Variants in THRB observed in about 807,000 individuals in gnomAD.
The protein encoded by THRB is nuclear receptor subfamily 1 group A member 2.
In THRB, 12 loss-of-function variants were observed where a neutral mutation model predicts 47.8. That is an observed-to-expected ratio of 0.25 (90% CI 0.16 to 0.41). The LOEUF is 0.41. THRB is among the 10% of genes least tolerant of loss of function. THRB has a pLI of 1.00. For missense variants in THRB, 348 were observed against 589.2 expected (o/e 0.59, Z 4.24); for synonymous variants, 218 against 212.2 (o/e 1.03, Z -0.24).
rs200825838 is a variant in THRB, at chr3:24,344,637, T to TA, written c.-260-7267dup. ...GTAATTATTTGACCATGATCCACAA[T>TA]AAAAAATAATGTTTTAACCTGTAAC... On this transcript the variant is annotated intron_variant, in intron 1 of 10. Coordinates refer to ENST00000646209, the MANE Select transcript of THRB (RefSeq NM_001354712.2). 2.8e-3 allele frequency among the ~76,000 whole-genome samples: 423 copies of TA among 151,980 alleles called. 16 individuals are homozygous for TA. In the East Asian group the frequency reaches 0.064, roughly 23 times the overall value.
intron 5 of THRB, among the ~76,000 whole-genome samples, chr3:24,184,682 C>T (rs1435632532): frequency 2.0e-5 from 3 of 152,146 alleles, no homozygotes. Flanking sequence ...AGAGAGCCAT[C>T]GTTCTCATGT....
intron 3 of THRB, among the ~76,000 whole-genome samples, chr3:24,295,502 G>C (rs1298570014): frequency 1.3e-5 from 2 of 152,182 alleles, no homozygotes; most frequent in Non-Finnish European, 2.9e-5. Flanking sequence ...TTTGACTTAA[G>C]TACAAAGACA....
intron 4 of THRB, among the ~76,000 whole-genome samples, chr3:24,219,333 T>C (rs2149980890): frequency 6.6e-6 from 1 of 152,342 alleles, no homozygotes; most frequent in South Asian, 2.1e-4. Context: ...TTAAACTCGA[T>C]GCCTATCAAA....
intron 4 of THRB, among the ~76,000 whole-genome samples, chr3:24,191,745 A>G (rs2043372184): frequency 6.6e-6 from 1 of 152,236 alleles, no homozygotes; most frequent in African/African-American, 2.4e-5. Flanking sequence ...TTTTCATATT[A>G]CTATGAGAAA....
At chr3:24,465,155 C>T (rs1405187972) in intron 1 of THRB, among the ~76,000 whole-genome samples, 3 of 151,990 alleles carry the variant, frequency 2.0e-5, no homozygotes, top group Non-Finnish European at 2.9e-5. Context: ...TCTTCTTTAT[C>T]TAAATCAATT....
chr3:24,465,556 C>T (rs573763271), intron 1 of THRB, among the ~76,000 whole-genome samples: 49 of 152,244 alleles, frequency 3.2e-4, no homozygotes, highest in African/African-American at 1.1e-3. Flanking sequence ...GCATGCACCA[C>T]CATGACAGGC....
At chr3:24,136,816 G>A (rs1469115690) in intron 8 of THRB, among the ~76,000 whole-genome samples, 2 of 152,162 alleles carry the variant, frequency 1.3e-5, no homozygotes, top group African/African-American at 2.4e-5. Flanking sequence ...TGCCCTAAAT[G>A]GACTTCCTGA....
At chr3:24,160,601 G>A (rs527906972) in intron 5 of THRB, among the ~76,000 whole-genome samples, 4 of 152,256 alleles carry the variant, frequency 2.6e-5, no homozygotes, top group African/African-American at 4.8e-5. Flanking sequence ...GACAGCGCAC[G>A]GGAAGGTCAG....
chr3:24,220,420 G>A (rs1408080184), intron 4 of THRB, among the ~76,000 whole-genome samples: 1 of 152,198 alleles, frequency 6.6e-6, no homozygotes, highest in East Asian at 1.9e-4. Context: ...GAGCCTGGAA[G>A]GTGGAGGTTG....
intron 1 of THRB, among the ~76,000 whole-genome samples, chr3:24,442,088 C>T (rs1210481084): frequency 2.0e-5 from 3 of 152,068 alleles, no homozygotes; most frequent in African/African-American, 7.2e-5. Flanking sequence ...GACTCCTGTG[C>T]TTCTAAAGGC....
At chr3:24,453,530 C>A (rs1166095861) in intron 1 of THRB, among the ~76,000 whole-genome samples, 1 of 152,196 alleles carries the variant, frequency 6.6e-6, no homozygotes, top group Non-Finnish European at 1.5e-5. Flanking sequence ...CTCACTCTAG[C>A]AACAGCAAAG....
chr3:24,316,596 T>C (rs769295114), intron 2 of THRB, among the ~76,000 whole-genome samples: 2 of 152,128 alleles, frequency 1.3e-5, no homozygotes, highest in Non-Finnish European at 2.9e-5. Flanking sequence ...ATTTTCATCC[T>C]CTCTTGAATT....
At chr3:24,367,192 A>G (rs2064537465) in intron 1 of THRB, among the ~76,000 whole-genome samples, 2 of 152,166 alleles carry the variant, frequency 1.3e-5, no homozygotes, top group South Asian at 4.1e-4. Flanking sequence ...TTTCACAGCA[A>G]TTAGAAGTAG....
intron 1 of THRB, among the ~76,000 whole-genome samples, chr3:24,377,466 G>A (rs1505286): frequency 0.44 from 66,406 of 151,966 alleles, 14,721 homozygotes; most frequent in East Asian, 0.5. Flanking sequence ...CATTATGTGT[G>A]CTACAGGAAG....
intron 1 of THRB, among the ~76,000 whole-genome samples, chr3:24,447,224 G>A (rs890499458): frequency 1.2e-4 from 19 of 152,034 alleles, no homozygotes; most frequent in African/African-American, 3.6e-4. Flanking sequence ...GAAGAAATTC[G>A]AAGCAATTAA....
intron 8 of THRB, among the ~76,000 whole-genome samples, chr3:24,138,049 C>T (rs890701976): frequency 3.3e-5 from 5 of 151,926 alleles, no homozygotes; most frequent in Admixed American, 1.3e-4. Context: ...CTGCTCAGCA[C>T]GGGTGAGGCT....
chr3:24,275,012 G>C (rs1287799165), intron 3 of THRB, among the ~76,000 whole-genome samples: 1 of 152,016 alleles, frequency 6.6e-6, no homozygotes, highest in African/African-American at 2.4e-5. Context: ...TCTACTCATC[G>C]ATTGAAGAGA....
chr3:24,365,615 G>A (rs2064403668), intron 1 of THRB, among the ~76,000 whole-genome samples: 1 of 152,154 alleles, frequency 6.6e-6, no homozygotes. Context: ...AACAGCAGCA[G>A]TCAATTGCCA....
At chr3:24,221,586 TTGTAAAGGGTGCCTTC>T (rs1366237105) in intron 4 of THRB, among the ~76,000 whole-genome samples, 1 of 152,098 alleles carries the variant, frequency 6.6e-6, no homozygotes, top group African/African-American at 2.4e-5. Flanking sequence ...GAAGCCAGCT[TTGTAAAGGGTGCCTTC>T]TGTAAAGGGT....
Sources: allele counts gnomAD v4.1 joint callset (sites outside exome capture counted in the v4.1 genomes callset), GRCh38; gene constraint gnomAD v4.1.1; transcripts MANE v1.5; gene names NCBI Gene and HGNC (gene_info 2026-07-23, HGNC 2026-07-21).